Variants in CHN1 observed in about 807,000 individuals in gnomAD.
The protein encoded by CHN1 is chimerin 1, also known as N-chimaerin.
In CHN1, 37 loss-of-function variants were observed where a neutral mutation model predicts 59.5. The ratio of observed to expected loss-of-function variants is 0.62; its 90% CI spans 0.48 to 0.82. CHN1 has a LOEUF of 0.82. Ranked by LOEUF, CHN1 falls within the 40% of genes least tolerant of loss-of-function variation. The pLI is 0.00. For missense variants in CHN1, 469 were observed against 571.0 expected (o/e 0.82, Z 1.82); for synonymous variants, 206 against 200.4 (o/e 1.03, Z -0.24).
In CHN1 at chr2:174,901,027, G is replaced by A. The variant is rs1429581843; in HGVS notation, c.260+14031C>T. ...AAATACTATACACAAAATATATAGG[G>A]CAATGGACATGAAGAGGTTACTAAG... On this transcript the variant is annotated intron_variant, in intron 5 of 12. Transcript: ENST00000409900. 2.0e-5 allele frequency among the ~76,000 whole-genome samples: 3 copies of A among 152,236 alleles called. No individual in the cohort carries two copies. The East Asian group carries it at 5.8e-4, about 29-fold the overall frequency.
intron 6 of CHN1, among the ~76,000 whole-genome samples, chr2:174,853,767 T>C (rs1485100026): frequency 6.6e-6 from 1 of 152,150 alleles, no homozygotes; most frequent in Non-Finnish European, 1.5e-5. Flanking sequence ...TATGCAGCCA[T>C]TAAAAAACAT....
At chr2:174,821,480 T>C (rs1478591636) in intron 8 of CHN1, among the ~76,000 whole-genome samples, 2 of 152,218 alleles carry the variant, frequency 1.3e-5, no homozygotes, top group East Asian at 1.9e-4. Context: ...GGTTTGAAAG[T>C]GTCCCCTCAA....
rs1233748129 is a variant in CHN1, at chr2:174,911,739, T to C, written c.260+3319A>G. On this transcript the variant is annotated intron_variant, in intron 5 of 12. Transcript: ENST00000409900. ...CCTAAACAGCACCTCATAGCATTCA[T>C]TAGGATCCTCAGTGGAGGGCTAGTC... 5.3e-5 allele frequency among the ~76,000 whole-genome samples: 8 copies of C among 152,306 alleles called. 1 individual carries two copies. In the South Asian group the frequency reaches 1.5e-3, roughly 28 times the overall value.
intron 1 of CHN1, among the ~76,000 whole-genome samples, chr2:175,003,673 T>A (rs990916956): frequency 4.6e-5 from 7 of 152,200 alleles, no homozygotes; most frequent in African/African-American, 9.7e-5. Flanking sequence ...GACACTTTTT[T>A]AAAGTACCTA....
chr2:174,969,783 G>A (rs1039782223), intron 1 of CHN1, among the ~76,000 whole-genome samples: 2 of 151,970 alleles, frequency 1.3e-5, no homozygotes, highest in Admixed American at 6.6e-5. Flanking sequence ...ACACCAGAAG[G>A]TAAGCTCGAT....
intron 1 of CHN1, among the ~76,000 whole-genome samples, chr2:174,974,777 T>G (rs924976379): frequency 6.6e-6 from 1 of 152,120 alleles, no homozygotes; most frequent in African/African-American, 2.4e-5. Context: ...AACCATGAGA[T>G]TGGTTTCCTT....
At position 174,984,366 on chromosome 2, in the gene CHN1, CTT is replaced by C. The variant is rs397986749; in HGVS notation, c.19+20526_19+20527del. On this transcript the variant is annotated intron_variant, in intron 1 of 12. Transcript: ENST00000409900. ...AAAATTACAGAATGTGTTTTATAAGCTTTTTTTTTTTTTTTTTTTTTTAGATG... is the reference window on the plus strand; with the variant it reads ...AAAATTACAGAATGTGTTTTATAAGCTTTTTTTTTTTTTTTTTTTTAGATG... Among the ~76,000 whole-genome samples, 443 of 117,140 alleles carry C rather than the reference CTT, an allele frequency of 3.8e-3. 2 individuals are homozygous for C. The highest frequency in any genetic ancestry group is 0.013 in the African/African-American group (401 of 30,238). 76.8% of individuals were successfully genotyped at this position (117,140 alleles called of 152,430 possible). A position where few individuals can be genotyped will look rare whatever the true frequency, so the allele number is the denominator to read the frequency against.
At chr2:174,806,485 G>A (rs1477158096) in intron 11 of CHN1, among the ~76,000 whole-genome samples, 2 of 152,156 alleles carry the variant, frequency 1.3e-5, no homozygotes, top group African/African-American at 4.8e-5. Context: ...ATTTAACCCT[G>A]TCCCTCGTTT....
rs12329173 is a variant in CHN1, at chr2:174,839,079, T to C, written c.627+7801A>G. The stretch of plus-strand genomic sequence containing the variant: ...TCATTTTTAATTGATAAATAAAAAT[T>C]ATATTTACTGTGTACAACATGTTTT... On this transcript the variant is annotated intron_variant, in intron 7 of 12. Coordinates refer to ENST00000409900, the MANE Select transcript of CHN1 (RefSeq NM_001822.7). Among the ~76,000 whole-genome samples the C allele has an allele frequency of 2.4e-3, 364 of 152,094 alleles. 5 individuals are homozygous for C. The highest frequency in any genetic ancestry group is 7.8e-3 in the African/African-American group (323 of 41,490).
chr2:174,965,720 G>T (rs1286682420), intron 1 of CHN1, among the ~76,000 whole-genome samples: 1 of 152,172 alleles, frequency 6.6e-6, no homozygotes, highest in Admixed American at 6.5e-5. Flanking sequence ...ACCAACTGGT[G>T]AGATTTCCTG....
chr2:174,926,457 T>C (rs951741448), intron 3 of CHN1, among the ~76,000 whole-genome samples: 3 of 152,160 alleles, frequency 2.0e-5, no homozygotes, highest in Non-Finnish European at 4.4e-5. Context: ...AAAGTCAAGC[T>C]GAGAACTGCA....
At chr2:174,846,389 T>C (rs1228189806) in intron 7 of CHN1, 1 of 1,546,784 alleles carries the variant, frequency 6.5e-7, no homozygotes, top group Non-Finnish European at 8.7e-7. Flanking sequence ...ATGGTAGCCA[T>C]CCTCCTTTCA....
At chr2:174,809,448 A>C (rs751585243) in intron 10 of CHN1, among the ~76,000 whole-genome samples, 4 of 152,184 alleles carry the variant, frequency 2.6e-5, no homozygotes, top group Non-Finnish European at 4.4e-5. Flanking sequence ...TGTTCTAAAG[A>C]ACATGGTGCC....
At chr2:174,813,676 T>A (rs1004818957) in intron 8 of CHN1, among the ~76,000 whole-genome samples, 1 of 152,066 alleles carries the variant, frequency 6.6e-6, no homozygotes, top group Non-Finnish European at 1.5e-5. Flanking sequence ...GTCATCTTTT[T>A]AAAAAAAATA....
chr2:174,801,105 G>A (rs1459088755), intron 12 of CHN1, among the ~76,000 whole-genome samples: 1 of 152,176 alleles, frequency 6.6e-6, no homozygotes, highest in East Asian at 1.9e-4. Flanking sequence ...TCAACTGATA[G>A]AGATCGAGGG....
intron 1 of CHN1, among the ~76,000 whole-genome samples, chr2:174,980,407 C>T (rs1469119770): frequency 2.0e-5 from 3 of 152,146 alleles, no homozygotes; most frequent in Non-Finnish European, 4.4e-5. Context: ...CACTTCTTTG[C>T]CGCTGTGAGC....
rs112335658 is a variant in CHN1 at position 174,881,500 on chromosome 2, G to A, written c.261-3372C>T. On this transcript the variant is annotated intron_variant, in intron 5 of 12. Transcript: ENST00000409900. The stretch of plus-strand genomic sequence containing the variant: ...TCACCCTACCCCAGATGGCTGTGAG[G>A]ATTACATGAAGATATTTAAGTCAAA... Among the ~76,000 whole-genome samples, 366 of 152,238 alleles carry A rather than the reference G, an allele frequency of 2.4e-3. 1 individual carries two copies. Among genetic ancestry groups the A allele is most frequent in the African/African-American group, 8.2e-3 (340 of 41,540 alleles).
chr2:174,808,124 T>C (rs1451762295), intron 11 of CHN1, among the ~76,000 whole-genome samples: 1 of 152,244 alleles, frequency 6.6e-6, no homozygotes, highest in Non-Finnish European at 1.5e-5. Flanking sequence ...AATAGTGCTT[T>C]TTAAAGTACA....
chr2:174,914,960 A>T (rs1346111108), intron 5 of CHN1, 98 bp downstream of exon 5: 7 of 625,996 alleles, frequency 1.1e-5, no homozygotes, highest in Admixed American at 6.4e-5. Flanking sequence ...GAAAACAAGA[A>T]CCAATTCAAT....
Sources: allele counts gnomAD v4.1 joint callset (sites outside exome capture counted in the v4.1 genomes callset), GRCh38; gene constraint gnomAD v4.1.1; transcripts MANE v1.5; gene names NCBI Gene and HGNC (gene_info 2026-07-23, HGNC 2026-07-21).